FTO: variants seen among roughly 807,000 people sequenced by gnomAD.
The protein encoded by FTO is FTO alpha-ketoglutarate dependent dioxygenase.
Under a neutral mutation model 63.9 loss-of-function variants are expected in FTO, and 47 were observed. The ratio of observed to expected loss-of-function variants is 0.74; its 90% CI spans 0.58 to 0.94. The LOEUF (loss-of-function observed/expected upper bound fraction) is 0.94, where lower values mean the gene tolerates loss of function less well. Among genes scored for constraint, FTO ranks in the 40% least tolerant of loss-of-function variants. The pLI is 0.00. For synonymous variants in FTO, 207 were observed against 224.4 expected (o/e 0.92, Z 0.69); for missense variants, 562 against 618.1 (o/e 0.91, Z 0.96).
chr16:53,839,103 A>C (rs574003794), intron 3 of FTO, among the ~76,000 whole-genome samples: 1 of 152,336 alleles, frequency 6.6e-6, no homozygotes, highest in East Asian at 1.9e-4. Flanking sequence ...CTCAAAAACT[A>C]GCTGGCATAA....
At chr16:54,028,855 CATT>C (rs1190724419) in intron 8 of FTO, among the ~76,000 whole-genome samples, 1 of 152,052 alleles carries the variant, frequency 6.6e-6, no homozygotes, top group African/African-American at 2.4e-5. Flanking sequence ...CCTCTCTCTA[CATT>C]GTTATTAGTA....
chr16:53,979,613 T>G (rs927843691), intron 8 of FTO: 8 of 390,198 alleles, frequency 2.1e-5, no homozygotes, highest in Admixed American at 1.8e-4. Flanking sequence ...CCCTTCCTTT[T>G]GTGGCGTACA....
rs1034582927 is a variant in FTO, at chr16:53,725,036, G to A, written c.45+20807G>A. 5.3e-5 allele frequency among the ~76,000 whole-genome samples: 8 copies of A among 152,310 alleles called. 1 individual carries two copies. Among genetic ancestry groups the A allele is most frequent in the East Asian group, 1.9e-4 (1 of 5,190 alleles). ...ATGTGACTGATTAATCAGCTAAGCT[G>A]TTTTTGAAGTCATTTTAACTTTTGT... On this transcript the variant is annotated intron_variant, in intron 1 of 8. Coordinates refer to ENST00000471389, the MANE Select transcript of FTO (RefSeq NM_001080432.3).
intron 8 of FTO, among the ~76,000 whole-genome samples, chr16:54,096,031 T>A (rs1478691005): frequency 1.3e-5 from 2 of 152,230 alleles, no homozygotes; most frequent in African/African-American, 4.8e-5. Flanking sequence ...CCTGCTAGCA[T>A]GTAAGCGCCA....
At chr16:54,056,389 C>T (rs940589892) in intron 8 of FTO, among the ~76,000 whole-genome samples, 3 of 152,196 alleles carry the variant, frequency 2.0e-5, no homozygotes, top group Admixed American at 6.5e-5. Flanking sequence ...ACCCAATAAA[C>T]GTTGGTTGAA....
intron 8 of FTO, chr16:54,013,499 A>G (rs1215222830): frequency 6.6e-6 from 1 of 152,262 alleles, no homozygotes; most frequent in Non-Finnish European, 1.5e-5. Flanking sequence ...CCAATTTTGC[A>G]AGAAGTAAAA....
chr16:53,850,201 A>G (rs2160481), intron 4 of FTO, among the ~76,000 whole-genome samples: 28,007 of 152,144 alleles, frequency 0.18, 2,785 homozygotes, highest in East Asian at 0.33. Context: ...TGAACAGCCA[A>G]ATGAGCACCT....
chr16:53,719,253 C>CTTTTTTTTT (rs10527186), intron 1 of FTO, among the ~76,000 whole-genome samples: 12 of 135,640 alleles, frequency 8.8e-5, no homozygotes, highest in East Asian at 2.6e-4. Context: ...TCTTCTTCTT[C>CTTTTTTTTT]TTTTTTTTTT....
At chr16:53,840,952 A>C (rs557335397) in intron 3 of FTO, among the ~76,000 whole-genome samples, 1 of 151,594 alleles carries the variant, frequency 6.6e-6, no homozygotes, top group Non-Finnish European at 1.5e-5. Flanking sequence ...TTAAGGAAAT[A>C]TGGTTGAGGT....
At chr16:53,752,866 C>T (rs943134856) in intron 1 of FTO, among the ~76,000 whole-genome samples, 5 of 151,440 alleles carry the variant, frequency 3.3e-5, no homozygotes, top group Non-Finnish European at 7.4e-5. Flanking sequence ...AAAAGTAAAC[C>T]CATTCCCCCT....
chr16:53,864,790 A>G (rs1256233494), intron 4 of FTO, among the ~76,000 whole-genome samples: 1 of 152,204 alleles, frequency 6.6e-6, no homozygotes, highest in African/African-American at 2.4e-5. Flanking sequence ...TGAGATGCAC[A>G]ATCCATGAAG....
In FTO at chr16:53,880,026, G is replaced by T; in HGVS notation, c.1119+39G>T. The T allele has an allele frequency of 3.3e-6, 5 of 1,496,312 alleles. No homozygotes were observed. The East Asian group carries it at 7.0e-5, about 21-fold the overall frequency. 92.7% of individuals were successfully genotyped at this position (1,496,312 alleles called of 1,614,324 possible). A position where few individuals can be genotyped will look rare whatever the true frequency, so the allele number is the denominator to read the frequency against. On this transcript the variant is annotated intron_variant, in intron 6 of 8. Coordinates refer to ENST00000471389, the MANE Select transcript of FTO (RefSeq NM_001080432.3). Reference sequence around the variant, plus strand: ...TTTTTTTTTTTTGAGATGGAGTCTCGCTCTGTCACCCAGGCTGGAGTGCAG... The same window carrying T: ...TTTTTTTTTTTTGAGATGGAGTCTCTCTCTGTCACCCAGGCTGGAGTGCAG...
intron 6 of FTO, among the ~76,000 whole-genome samples, chr16:53,885,838 T>A (rs2080982603): frequency 6.6e-6 from 1 of 152,174 alleles, no homozygotes; most frequent in Non-Finnish European, 1.5e-5. Context: ...AGCCTGGACC[T>A]CCTGGCTCAA....
chr16:53,893,390 C>G (rs1427332705), intron 7 of FTO, among the ~76,000 whole-genome samples: 2 of 152,110 alleles, frequency 1.3e-5, no homozygotes, highest in Admixed American at 1.3e-4. Context: ...GAGAGAGTTA[C>G]CATTTGAAAG....
chr16:53,997,424 C>T (rs8061928), intron 8 of FTO, among the ~76,000 whole-genome samples: 12,912 of 151,862 alleles, frequency 0.085, 925 homozygotes, highest in African/African-American at 0.19. Flanking sequence ...GGGGTACTAT[C>T]GGAGATCAGA....
At chr16:54,000,682 C>G (rs1309234328) in intron 8 of FTO, among the ~76,000 whole-genome samples, 3 of 152,166 alleles carry the variant, frequency 2.0e-5, no homozygotes, top group Admixed American at 6.5e-5. Flanking sequence ...ACAACCAACC[C>G]TGTGGTTTTA....
chr16:53,872,406 A>G (rs145006415), intron 4 of FTO, among the ~76,000 whole-genome samples: 134 of 152,238 alleles, frequency 8.8e-4, no homozygotes, highest in East Asian at 3.3e-3. Flanking sequence ...TGGCCTCCCT[A>G]TACTCCAGTC....
At chr16:53,945,816 A>G (rs767125583) in intron 8 of FTO, among the ~76,000 whole-genome samples, 1 of 152,196 alleles carries the variant, frequency 6.6e-6, no homozygotes, top group Non-Finnish European at 1.5e-5. Flanking sequence ...CTCTAAGTCA[A>G]GTAATTTTGG....
In FTO at chr16:53,819,748, G is replaced by A. The variant is rs914403089; in HGVS notation, c.124-6116G>A. 1.3e-4 allele frequency among the ~76,000 whole-genome samples: 20 copies of A among 152,080 alleles called. No individual in the cohort carries two copies. The East Asian group carries it at 1.4e-3, about 10-fold the overall frequency. On this transcript the variant is annotated intron_variant, in intron 2 of 8. Transcript: ENST00000471389. The stretch of plus-strand genomic sequence containing the variant: ...ATAATTTACATACCATAAAATGCAC[G>A]TTTTGAAATTGTACAATTCAGTGAT...
Sources: allele counts gnomAD v4.1 joint callset (sites outside exome capture counted in the v4.1 genomes callset), GRCh38; gene constraint gnomAD v4.1.1; transcripts MANE v1.5; gene names NCBI Gene and HGNC (gene_info 2026-07-23, HGNC 2026-07-21).